Variants in C13orf46 observed in about 807,000 individuals in gnomAD.
The protein encoded by C13orf46 is uncharacterized protein C13orf46.
chr13:113,945,965 C>CTG, the C13orf46 span, among the ~76,000 whole-genome samples: 106 of 150,728 alleles, frequency 7.0e-4, 1 homozygote, highest in South Asian at 2.5e-3. Context: ...AAACCCACCG[C>CTG]CGCCCGTTCA....
chr13:113,967,800 C>T (rs1391022015), intron 4 of C13orf46, among the ~76,000 whole-genome samples: 1 of 152,140 alleles, frequency 6.6e-6, no homozygotes, highest in Non-Finnish European at 1.5e-5. Context: ...CACTCCTGCC[C>T]CACAGCCTGC....
At chr13:113,973,636 C>T (rs955293119) in intron 1 of C13orf46, among the ~76,000 whole-genome samples, 172 bp downstream of exon 1, 19 of 152,208 alleles carry the variant, frequency 1.2e-4, no homozygotes, top group East Asian at 1.9e-4. Context: ...GGCCGTGCCC[C>T]GCCTTGGACA....
intron 6 of C13orf46, among the ~76,000 whole-genome samples, chr13:113,960,942 C>T (rs1464336566): frequency 6.6e-6 from 1 of 152,142 alleles, no homozygotes; most frequent in Non-Finnish European, 1.5e-5. Flanking sequence ...TCTCCTTTAT[C>T]TTTATTAGAT....
the C13orf46 span, among the ~76,000 whole-genome samples, chr13:113,939,250 G>A: frequency 7.9e-4 from 120 of 152,204 alleles, no homozygotes; most frequent in Non-Finnish European, 1.0e-3. Context: ...CCTTCCCCCC[G>A]CCCCGGTGAT....
chr13:113,952,068 C>A (rs2052491236), downstream of C13orf46, among the ~76,000 whole-genome samples: 1 of 152,236 alleles, frequency 6.6e-6, no homozygotes, highest in South Asian at 2.1e-4. Flanking sequence ...CCCCAAGGAA[C>A]CAGAACGTTG....
At chr13:113,942,715 G>C in the C13orf46 span, among the ~76,000 whole-genome samples, 4 of 152,210 alleles carry the variant, frequency 2.6e-5, no homozygotes. Flanking sequence ...TGAGGGAGAC[G>C]GCAGGGCGCG....
the C13orf46 span, among the ~76,000 whole-genome samples, chr13:113,934,297 G>A: frequency 1.4e-4 from 22 of 152,072 alleles, no homozygotes; most frequent in Admixed American, 1.2e-3. Context: ...TGCTATGATC[G>A]TTTGTGTGAC....
chr13:113,930,083 C>T, the C13orf46 span, among the ~76,000 whole-genome samples: 1 of 152,222 alleles, frequency 6.6e-6, no homozygotes, highest in African/African-American at 2.4e-5. Flanking sequence ...TGATGCCCGG[C>T]AGCCAGCACT....
chr13:113,935,272 G>A, the C13orf46 span, among the ~76,000 whole-genome samples: 3 of 152,240 alleles, frequency 2.0e-5, no homozygotes, highest in African/African-American at 7.2e-5. Flanking sequence ...TCAGGGAGAG[G>A]TGGAAAACAG....
chr13:113,946,370 C>T, the C13orf46 span, among the ~76,000 whole-genome samples: 1 of 152,222 alleles, frequency 6.6e-6, no homozygotes, highest in African/African-American at 2.4e-5. Context: ...GGGGACCAGT[C>T]CCCCTCTGTG....
the C13orf46 span, chr13:113,927,829 C>T: frequency 2.8e-5 from 11 of 387,738 alleles, no homozygotes; most frequent in East Asian, 3.6e-5. Flanking sequence ...GATGGACCAA[C>T]GTGCTTTCCA....
At chr13:113,936,549 C>T in the C13orf46 span, among the ~76,000 whole-genome samples, 3 of 152,168 alleles carry the variant, frequency 2.0e-5, no homozygotes, top group East Asian at 1.9e-4. Flanking sequence ...TGGCCAGTGG[C>T]GAGAGCTGCA....
the C13orf46 span, among the ~76,000 whole-genome samples, chr13:113,938,413 C>A: frequency 1.3e-5 from 2 of 152,192 alleles, no homozygotes; most frequent in African/African-American, 4.8e-5. Flanking sequence ...CTTTTCTCAG[C>A]CTCCAGAGAC....
At chr13:113,965,869 ATGG>A (rs1294850203) in intron 5 of C13orf46, among the ~76,000 whole-genome samples, 2 of 147,744 alleles carry the variant, frequency 1.4e-5, no homozygotes, top group East Asian at 2.0e-4. Flanking sequence ...GATGATGGTG[ATGG>A]TGATGATGGT....
intron 4 of C13orf46, among the ~76,000 whole-genome samples, chr13:113,968,231 A>C (rs1450274482): frequency 1.3e-5 from 2 of 152,100 alleles, no homozygotes; most frequent in Admixed American, 1.3e-4. Context: ...ATACACCTTT[A>C]GTGACTGCAC....
chr13:113,960,096 CA>C (rs1221026316), intron 6 of C13orf46, among the ~76,000 whole-genome samples: 78 of 145,230 alleles, frequency 5.4e-4, no homozygotes, highest in Admixed American at 1.5e-3. Flanking sequence ...ACTAAAAATA[CA>C]AAAAAAAAAA....
chr13:113,930,825 G>A, the C13orf46 span, among the ~76,000 whole-genome samples: 1 of 152,174 alleles, frequency 6.6e-6, no homozygotes, highest in African/African-American at 2.4e-5. Context: ...TCCTCCAGGG[G>A]CCCTCCCAGG....
In C13orf46 at chr13:113,956,555, G is replaced by A. The variant is rs1173578129; in HGVS notation, c.*218C>T. 1.3e-5 allele frequency: 2 copies of A among 152,544 alleles called. No individual in the cohort carries two copies. The highest frequency in any genetic ancestry group is 4.8e-5 in the African/African-American group (2 of 41,432). 9.4% of individuals were successfully genotyped at this position (152,544 alleles called of 1,614,324 possible). A position where few individuals can be genotyped will look rare whatever the true frequency, so the allele number is the denominator to read the frequency against. ...ACCCCAGCGTTGCTCAGAGCTGGCG[G>A]GATCTTTAGCCCAAAGGCGCAGTCT... On this transcript the variant is annotated 3_prime_UTR_variant, in exon 7 of 7. Transcript: ENST00000636427.
chr13:113,973,814 CCTT>C lies in C13orf46; in HGVS notation c.181_183del (p.Lys61del), dbSNP rs1319070061. On this transcript the variant is annotated inframe_deletion, in exon 1 of 7. Coordinates refer to ENST00000636427, the MANE Select transcript of C13orf46 (RefSeq NM_001365455.2). ...GCGGCCCCACAGCCCCTACCCAGCT[CCTT>C]GTGAGGCTTCCTAGGGCGGCTGGGA... 32 of 152,454 alleles carry C rather than the reference CCTT, an allele frequency of 2.1e-4. No homozygotes were observed. The highest frequency in any genetic ancestry group is 6.7e-4 in the African/African-American group (28 of 41,592). The allele number at this position is 152,454 out of a possible 1,614,324, so 9.4% of individuals were successfully genotyped here.
Sources: gnomAD v4.1 joint callset for allele counts (sites outside exome capture counted in the v4.1 genomes callset) on GRCh38, gnomAD v4.1.1 for gene constraint, MANE v1.5 for transcripts, NCBI Gene and HGNC (gene_info 2026-07-23, HGNC 2026-07-21) for gene names.